The following ARHGEF9 variants were observed in gnomAD, a reference collection of about 807,000 sequenced individuals.
The protein encoded by ARHGEF9 is Cdc42 guanine nucleotide exchange factor 9, also known as rho guanine nucleotide exchange factor 9.
In ARHGEF9, 2 loss-of-function variants were observed where a neutral mutation model predicts 41.3. That is an observed-to-expected ratio of 0.05 (90% CI 0.02 to 0.15). The LOEUF is 0.15. ARHGEF9 is among the 10% of genes least tolerant of loss of function. The probability of loss-of-function intolerance (pLI) is 1.00; values close to 1 mark genes in which losing one functional copy is unlikely to be tolerated. For synonymous variants in ARHGEF9, 160 were observed against 154.4 expected (o/e 1.04, Z -0.27); for missense variants, 225 against 424.7 (o/e 0.53, Z 4.13).
chrX:63,740,140 C>T (rs2054865083), intron 1 of ARHGEF9, among the ~76,000 whole-genome samples: 1 of 111,865 alleles, frequency 8.9e-6, no homozygotes, highest in African/African-American at 3.3e-5. Context: ...GCTCCTGATG[C>T]CTCCCCTTCT....
chrX:63,667,009 T>C (rs2049620412), intron 6 of ARHGEF9, among the ~76,000 whole-genome samples: 1 of 111,577 alleles, frequency 9.0e-6, no homozygotes. Flanking sequence ...CGAATGCAGG[T>C]ATGCTCAAAA....
rs1238382577 is a variant in ARHGEF9, at chrX:63,745,566, A to C, written c.31-20855T>G. On this transcript the variant is annotated intron_variant, in intron 1 of 9. Coordinates refer to ENST00000671741, the MANE Select transcript of ARHGEF9 (RefSeq NM_001353921.2). The stretch of plus-strand genomic sequence containing the variant: ...GGGGAGGTAGCAAGTTACAGCAGGC[A>C]AGAGCCCTATCTAAAGAATCAGAAT... 1.3e-4 allele frequency among the ~76,000 whole-genome samples: 15 copies of C among 111,724 alleles called. No homozygotes were observed. In the East Asian group the frequency reaches 4.2e-3, roughly 32 times the overall value.
chrX:63,725,894 A>G (rs1363351191), intron 1 of ARHGEF9, among the ~76,000 whole-genome samples: 4 of 112,825 alleles, frequency 3.5e-5, no homozygotes, highest in African/African-American at 1.3e-4. Context: ...TAATGGCTCC[A>G]TAAGACCAAA....
intron 1 of ARHGEF9, 114 bp from the exon 2 acceptor site, chrX:63,724,825 G>T: frequency 1.3e-6 from 1 of 753,014 alleles, no homozygotes; most frequent in Non-Finnish European, 2.0e-6. Context: ...AGTGGTGAGA[G>T]ATAGGGGTGA....
intron 8 of ARHGEF9, among the ~76,000 whole-genome samples, chrX:63,647,235 C>T (rs1434582802): frequency 1.1e-4 from 12 of 111,529 alleles, no homozygotes; most frequent in Middle Eastern, 4.6e-3. Flanking sequence ...CTTCCCCTGC[C>T]TGATTGCCCT....
intron 1 of ARHGEF9, among the ~76,000 whole-genome samples, chrX:63,758,524 C>A (rs2055974748): frequency 8.9e-6 from 1 of 112,767 alleles, no homozygotes; most frequent in African/African-American, 3.2e-5. Context: ...TCCTGCCAAT[C>A]TGATGTCCTT....
chrX:63,723,974 AT>A (rs1218030493), intron 2 of ARHGEF9, among the ~76,000 whole-genome samples: 2 of 112,109 alleles, frequency 1.8e-5, no homozygotes, highest in African/African-American at 6.5e-5. Flanking sequence ...AAAATTTGAT[AT>A]CAGTAAGCTC....
At chrX:63,725,567 A>G (rs1205670072) in intron 1 of ARHGEF9, 3 of 109,335 alleles carry the variant, frequency 2.7e-5, no homozygotes, top group Non-Finnish European at 3.8e-5. Flanking sequence ...GAGCAGGCAG[A>G]CATCTATTCC....
intron 1 of ARHGEF9, among the ~76,000 whole-genome samples, chrX:63,726,483 C>T (rs368850670): frequency 3.6e-5 from 4 of 111,390 alleles, no homozygotes; most frequent in South Asian, 3.8e-4. Context: ...GGACTACAGG[C>T]GCACGCCACC....
Position 63,636,299 on chromosome X carries a change from C to T in ARHGEF9, c.*1729G>A, listed in dbSNP as rs1164831923. 1.8e-5 allele frequency: 2 copies of T among 111,714 alleles called. No individual in the cohort carries two copies. Among genetic ancestry groups the T allele is most frequent in the Non-Finnish European group, 3.8e-5 (2 of 53,189 alleles). 9.2% of individuals were successfully genotyped at this position (111,714 alleles called of 1,213,427 possible). The stretch of plus-strand genomic sequence containing the variant: ...GTGGCTTGCTCTTCACAGCAGAGTT[C>T]ATCCTTATTCCCTTATACCCTTTTT... On this transcript the variant is annotated 3_prime_UTR_variant, in exon 10 of 10. Transcript: ENST00000671741.
At chrX:63,755,112 T>G (rs1225241149) in intron 1 of ARHGEF9, 12 of 937,039 alleles carry the variant, frequency 1.3e-5, no homozygotes, top group Non-Finnish European at 1.6e-5. Context: ...CTATCCCTCT[T>G]CTCTCCCCAT....
At chrX:63,759,352 T>C (rs1206068143) in intron 1 of ARHGEF9, among the ~76,000 whole-genome samples, 1 of 110,880 alleles carries the variant, frequency 9.0e-6, no homozygotes, top group Non-Finnish European at 1.9e-5. Context: ...CTCAAGGAAT[T>C]AGATAATCTC....
At chrX:63,683,304 T>C (rs1602384719) in intron 4 of ARHGEF9, among the ~76,000 whole-genome samples, 1 of 111,276 alleles carries the variant, frequency 9.0e-6, no homozygotes, top group Middle Eastern at 4.6e-3. Flanking sequence ...AGGTGAAAGA[T>C]CTGTGCACAG....
chrX:63,704,774 T>C (rs1198719591), intron 3 of ARHGEF9, among the ~76,000 whole-genome samples: 1 of 112,356 alleles, frequency 8.9e-6, no homozygotes, highest in Non-Finnish European at 1.9e-5. Flanking sequence ...CCCACAGGGT[T>C]AATTAATGAC....
At chrX:63,765,408 A>G (rs782049203) in intron 1 of ARHGEF9, among the ~76,000 whole-genome samples, 1 of 110,462 alleles carries the variant, frequency 9.1e-6, no homozygotes, top group Non-Finnish European at 1.9e-5. Context: ...AAAAAAAAAA[A>G]CCCTCGCTTA....
chrX:63,735,271 G>A (rs2054541069), intron 1 of ARHGEF9, among the ~76,000 whole-genome samples: 1 of 111,456 alleles, frequency 9.0e-6, no homozygotes, highest in Non-Finnish European at 1.9e-5. Flanking sequence ...CCAGTCCTGG[G>A]AGCTTTAACT....
At chrX:63,728,996 T>C (rs1556418776) in intron 1 of ARHGEF9, among the ~76,000 whole-genome samples, 1 of 111,230 alleles carries the variant, frequency 9.0e-6, no homozygotes, top group African/African-American at 3.3e-5. Context: ...GAGTGATGGC[T>C]AAAAAGGTGA....
chrX:63,693,438 C>G (rs1241162357), intron 4 of ARHGEF9, among the ~76,000 whole-genome samples: 1 of 109,493 alleles, frequency 9.1e-6, no homozygotes, highest in African/African-American at 3.3e-5. Flanking sequence ...GGTGAAACCC[C>G]GTCTCTACTA....
intron 8 of ARHGEF9, among the ~76,000 whole-genome samples, chrX:63,646,498 A>T: frequency 8.9e-6 from 1 of 111,803 alleles, no homozygotes; most frequent in Non-Finnish European, 1.9e-5. Flanking sequence ...TTGTTTCCCC[A>T]TTGCTTGTTT....
Sources: allele counts gnomAD v4.1 joint callset (sites outside exome capture counted in the v4.1 genomes callset), GRCh38; gene constraint gnomAD v4.1.1; transcripts MANE v1.5; gene names NCBI Gene and HGNC (gene_info 2026-07-23, HGNC 2026-07-21).